The following RNLS variants were observed in gnomAD, a reference collection of about 807,000 sequenced individuals.
RNLS encodes the protein renalase.
A neutral mutation model predicts 39.8 loss-of-function variants in RNLS; 39 were observed. That is an observed-to-expected ratio of 0.98 (90% CI 0.76 to 1.28). The LOEUF (loss-of-function observed/expected upper bound fraction) is 1.28. RNLS is among the 50% of genes most tolerant of loss of function. RNLS has a pLI of 0.00. For missense variants in RNLS, 410 were observed against 413.3 expected, an observed-to-expected ratio of 0.99 and a Z score of 0.07; for synonymous variants, 147 against 150.7, an observed-to-expected ratio of 0.98 and a Z score of 0.18.
the RNLS span, among the ~76,000 whole-genome samples, chr10:88,179,283 A>G: frequency 1.3e-5 from 2 of 152,284 alleles, no homozygotes; most frequent in African/African-American, 4.8e-5. Context: ...GAGATAATGG[A>G]CCATATGGAT....
At chr10:88,192,356 ATATC>A in the RNLS span, among the ~76,000 whole-genome samples, 1 of 152,264 alleles carries the variant, frequency 6.6e-6, no homozygotes, top group Admixed American at 6.5e-5. Flanking sequence ...TGCTTGCTAA[ATATC>A]TAAGTACCCA....
At chr10:88,266,346 G>A in the RNLS span, among the ~76,000 whole-genome samples, 16 of 152,114 alleles carry the variant, frequency 1.1e-4, no homozygotes, top group South Asian at 2.1e-4. Flanking sequence ...CAAGGCTTAC[G>A]TTCTTTAGAG....
intron 4 of RNLS, among the ~76,000 whole-genome samples, chr10:88,425,206 A>G (rs1170735916): frequency 1.3e-5 from 2 of 152,120 alleles, no homozygotes; most frequent in Non-Finnish European, 2.9e-5. Flanking sequence ...GATGGCAGAG[A>G]TGCATTAGTT....
chr10:88,402,423 T>C (rs964406590), intron 4 of RNLS, among the ~76,000 whole-genome samples: 2 of 150,374 alleles, frequency 1.3e-5, no homozygotes, highest in East Asian at 3.9e-4. Context: ...GAGTGTATCA[T>C]GTCTCTGGAA....
At chr10:88,258,206 G>T in the RNLS span, among the ~76,000 whole-genome samples, 1 of 152,156 alleles carries the variant, frequency 6.6e-6, no homozygotes, top group Non-Finnish European at 1.5e-5. Context: ...ATTATACAGG[G>T]CATAAAGGGT....
chr10:88,416,544 C>A (rs762283504), intron 4 of RNLS, among the ~76,000 whole-genome samples: 1 of 152,152 alleles, frequency 6.6e-6, no homozygotes, highest in Middle Eastern at 3.2e-3. Context: ...TGAGCCACTG[C>A]GCCCAGCCCT....
intron 6 of RNLS, among the ~76,000 whole-genome samples, chr10:88,301,842 A>G (rs1844548881): frequency 6.6e-6 from 1 of 152,192 alleles, no homozygotes; most frequent in African/African-American, 2.4e-5. Context: ...TAAACTTTGA[A>G]AAGATAAAAG....
At position 88,285,330 on chromosome 10, in the gene RNLS, A is replaced by G; in HGVS notation, c.*24T>C. On this transcript the variant is annotated 3_prime_UTR_variant, in exon 7 of 7. Coordinates refer to ENST00000331772, the MANE Select transcript of RNLS (RefSeq NM_001031709.3). ...TTGTGAAAATAAAAACCCAATACAC[A>G]TGTAGAGAATAAGGATATAGGCACT... The G allele has an allele frequency of 3.2e-6, 5 of 1,568,194 alleles. No individual in the cohort carries two copies. Among genetic ancestry groups the G allele is most frequent in the Non-Finnish European group, 4.3e-6 (5 of 1,152,800 alleles).
At chr10:88,563,363 C>T (rs1487022006) in intron 4 of RNLS, among the ~76,000 whole-genome samples, 3 of 152,072 alleles carry the variant, frequency 2.0e-5, no homozygotes, top group African/African-American at 7.2e-5. Context: ...AGTATTAAAG[C>T]CACACTTTGT....
chr10:88,257,663 G>T, the RNLS span, among the ~76,000 whole-genome samples: 4 of 152,256 alleles, frequency 2.6e-5, no homozygotes, highest in East Asian at 7.7e-4. Context: ...TCAGTAATGG[G>T]GTAAACAGGG....
chr10:88,244,258 G>T, the RNLS span, among the ~76,000 whole-genome samples: 18 of 152,164 alleles, frequency 1.2e-4, no homozygotes, highest in Non-Finnish European at 2.6e-4. Flanking sequence ...CCAGGGCGCT[G>T]CCCACTCCCT....
chr10:88,180,978 C>T, the RNLS span, among the ~76,000 whole-genome samples: 1 of 152,126 alleles, frequency 6.6e-6, no homozygotes, highest in East Asian at 1.9e-4. Flanking sequence ...TATTTTACTG[C>T]TACCCTATTG....
chr10:88,421,519 T>C (rs1330226495), intron 4 of RNLS, among the ~76,000 whole-genome samples: 1 of 152,162 alleles, frequency 6.6e-6, no homozygotes, highest in East Asian at 1.9e-4. Flanking sequence ...TTCACTGCCA[T>C]CTCCCTGGTG....
the RNLS span, among the ~76,000 whole-genome samples, chr10:88,176,727 G>A: frequency 1.3e-5 from 2 of 151,828 alleles, no homozygotes; most frequent in African/African-American, 4.8e-5. Context: ...TTCTGTTTCT[G>A]TAATGGTAGA....
At chr10:88,316,960 A>G (rs938313748) in intron 5 of RNLS, among the ~76,000 whole-genome samples, 1 of 152,192 alleles carries the variant, frequency 6.6e-6, no homozygotes, top group Non-Finnish European at 1.5e-5. Context: ...AAACGTGATC[A>G]AAGTTTGAAA....
chr10:88,524,407 A>G (rs1260954439), intron 4 of RNLS, among the ~76,000 whole-genome samples: 1 of 152,110 alleles, frequency 6.6e-6, no homozygotes, highest in Non-Finnish European at 1.5e-5. Context: ...GGTTCTTAAC[A>G]TTTGTTGAGT....
chr10:88,253,940 G>A, the RNLS span, among the ~76,000 whole-genome samples: 1 of 152,170 alleles, frequency 6.6e-6, no homozygotes, highest in African/African-American at 2.4e-5. Flanking sequence ...ACAAAGTTTT[G>A]TTATTAAATC....
At chr10:88,296,044 C>A (rs1438103414) in intron 6 of RNLS, among the ~76,000 whole-genome samples, 1 of 152,118 alleles carries the variant, frequency 6.6e-6, no homozygotes, top group African/African-American at 2.4e-5. Context: ...TGCCCTTCAG[C>A]AAGTTGTAGT....
intron 4 of RNLS, among the ~76,000 whole-genome samples, chr10:88,405,672 T>C (rs1222594912): frequency 6.6e-6 from 1 of 152,094 alleles, no homozygotes; most frequent in Non-Finnish European, 1.5e-5. Flanking sequence ...ATCTTTTAAG[T>C]GGAGCATTTA....
Sources: gnomAD v4.1 joint callset for allele counts (sites outside exome capture counted in the v4.1 genomes callset) on GRCh38, gnomAD v4.1.1 for gene constraint, MANE v1.5 for transcripts, NCBI Gene and HGNC (gene_info 2026-07-23, HGNC 2026-07-21) for gene names.